The following SAA2 variants were observed in gnomAD, a reference collection of about 807,000 sequenced individuals.
SAA2 encodes serum amyloid A2, also known as serum amyloid A-2 protein.
A neutral mutation model predicts 9.1 loss-of-function variants in SAA2; 5 were observed. That is an observed-to-expected ratio of 0.55 (90% CI 0.29 to 1.16). The LOEUF (loss-of-function observed/expected upper bound fraction) is 1.16, where lower values mean the gene tolerates loss of function less well. SAA2 is among the 50% of genes most tolerant of loss of function. The pLI is 0.09. For missense variants in SAA2, 94 were observed against 153.8 expected (o/e 0.61, Z 2.06); for synonymous variants, 49 against 59.8 (o/e 0.82, Z 0.83).
At chr11:18,239,789 G>A in exon 4 of SAA2, 1 of 856,632 alleles carries the variant, frequency 1.2e-6, no homozygotes, top group Non-Finnish European at 1.7e-6. Flanking sequence ...CCTCTCTTCA[G>A]TCTCCATCCA....
At chr11:18,242,510 A>C, downstream of SAA2, 1 of 450,322 alleles carries the variant, frequency 2.2e-6, no homozygotes, top group Non-Finnish European at 3.9e-6. Context: ...ACGACCCCAG[A>C]AACAATGTGA....
downstream of SAA2, chr11:18,239,185 A>G (rs1395270835): frequency 1.3e-5 from 2 of 152,334 alleles, no homozygotes; most frequent in Non-Finnish European, 2.9e-5. Context: ...TTTGTTGAAT[A>G]GTCCGTCTTT....
chr11:18,247,128 G>A (rs1339521309), intron 2 of SAA2, among the ~76,000 whole-genome samples: 1 of 152,224 alleles, frequency 6.6e-6, no homozygotes, highest in South Asian at 2.1e-4. Context: ...TTCACAGAAG[G>A]GATGCCTGCC....
chr11:18,245,345 C>A lies in SAA2; in HGVS notation c.*32G>T. 1 of 1,613,094 alleles carries A rather than the reference C, an allele frequency of 6.2e-7. No homozygotes were observed. The highest frequency in any genetic ancestry group is 1.1e-5 in the South Asian group (1 of 91,034). ...ATCCCTGCCCCGAGGGCCTCATAGCCAGGTCTCCTGAGAGCAGAGTGAAGA... is the reference window on the plus strand; with the variant it reads ...ATCCCTGCCCCGAGGGCCTCATAGCAAGGTCTCCTGAGAGCAGAGTGAAGA... On this transcript the variant is annotated 3_prime_UTR_variant, in exon 4 of 4. Transcript: ENST00000256733.
chr11:18,244,035 T>G (rs1485452987), downstream of SAA2, among the ~76,000 whole-genome samples: 1 of 152,208 alleles, frequency 6.6e-6, no homozygotes, highest in African/African-American at 2.4e-5. Flanking sequence ...ACTCTTCTCC[T>G]GTACAGGACA....
chr11:18,240,295 A>G, downstream of SAA2: 2 of 702,532 alleles, frequency 2.8e-6, no homozygotes, highest in South Asian at 1.5e-5. Context: ...TCTCTGAAAT[A>G]ATGAGATTTC....
At chr11:18,242,663 C>T (rs778494179), downstream of SAA2, 92 of 630,146 alleles carry the variant, frequency 1.5e-4, no homozygotes, top group African/African-American at 8.4e-4. Context: ...CTGGGTGACA[C>T]GGCGAAACCC....
downstream of SAA2, chr11:18,242,807 A>G: frequency 1.4e-6 from 1 of 702,052 alleles, no homozygotes; most frequent in Non-Finnish European, 2.6e-6. Context: ...TGATCATGCC[A>G]TGGCACTTCA....
chr11:18,239,901 GCC>G, exon 4 of SAA2: 2 of 1,541,276 alleles, frequency 1.3e-6, no homozygotes, highest in Non-Finnish European at 1.7e-6. Flanking sequence ...CTGGATCAAT[GCC>G]TGGGTCATGT....
downstream of SAA2, among the ~76,000 whole-genome samples, chr11:18,244,126 A>AG (rs946834920): frequency 5.3e-5 from 8 of 152,346 alleles, no homozygotes; most frequent in Non-Finnish European, 1.0e-4. Context: ...GCACCTCAGT[A>AG]GGATGTCCAT....
At chr11:18,241,674 G>T (rs541237725), downstream of SAA2, among the ~76,000 whole-genome samples, 2 of 152,164 alleles carry the variant, frequency 1.3e-5, no homozygotes, top group African/African-American at 4.8e-5. Context: ...TCACATTTTC[G>T]CACTTATAAA....
chr11:18,246,559 G>A (rs944885437), intron 2 of SAA2, among the ~76,000 whole-genome samples: 6 of 152,108 alleles, frequency 3.9e-5, no homozygotes, highest in Admixed American at 1.3e-4. Context: ...TTTAGACGGA[G>A]TCTCACTCTG....
chr11:18,241,348 T>C (rs894940502), downstream of SAA2, among the ~76,000 whole-genome samples: 3 of 152,144 alleles, frequency 2.0e-5, no homozygotes, highest in African/African-American at 4.8e-5. Flanking sequence ...GAACTAAAAA[T>C]AGAGCTACCA....
At chr11:18,243,422 T>A (rs1010987840), downstream of SAA2, among the ~76,000 whole-genome samples, 3 of 152,206 alleles carry the variant, frequency 2.0e-5, no homozygotes, top group African/African-American at 7.2e-5. Flanking sequence ...ACAATTGCTA[T>A]TGTAATAATA....
intron 3 of SAA2, 58 bp downstream of exon 3, chr11:18,245,852 T>A (rs576320118): frequency 3.1e-6 from 5 of 1,594,994 alleles, no homozygotes; most frequent in Non-Finnish European, 4.3e-6. Context: ...CCCTCCTGAC[T>A]GTCCAAGGCA....
At chr11:18,240,378 G>A, downstream of SAA2, 1 of 688,444 alleles carries the variant, frequency 1.5e-6, no homozygotes, top group East Asian at 2.7e-5. Context: ...GAAGAGCAGA[G>A]AATAGCCTCT....
downstream of SAA2, among the ~76,000 whole-genome samples, chr11:18,239,031 C>A (rs574815700): frequency 6.6e-6 from 1 of 152,134 alleles, no homozygotes; most frequent in Admixed American, 6.6e-5. Context: ...CATGGATTCA[C>A]CAGATAATGT....
chr11:18,238,409 T>C (rs1167236916), downstream of SAA2, among the ~76,000 whole-genome samples: 2 of 152,222 alleles, frequency 1.3e-5, no homozygotes, highest in Non-Finnish European at 2.9e-5. Flanking sequence ...CTTGTCTTTA[T>C]TAATATTTTC....
chr11:18,245,844 C>A, intron 3 of SAA2, 66 bp downstream of exon 3: 1 of 1,576,800 alleles, frequency 6.3e-7, no homozygotes, highest in South Asian at 1.2e-5. Flanking sequence ...GCTCGTCTCC[C>A]TCCTGACTGT....
Sources: allele counts gnomAD v4.1 joint callset (sites outside exome capture counted in the v4.1 genomes callset), GRCh38; gene constraint gnomAD v4.1.1; transcripts MANE v1.5; gene names NCBI Gene and HGNC (gene_info 2026-07-23, HGNC 2026-07-21).